The following STEAP3 variants were observed in gnomAD, a reference collection of about 807,000 sequenced individuals.
The protein encoded by STEAP3 is metalloreductase STEAP3.
In STEAP3, 35 loss-of-function variants were observed where a neutral mutation model predicts 34.9. The ratio of observed to expected loss-of-function variants is 1.00; its 90% CI spans 0.76 to 1.33. STEAP3 has a LOEUF of 1.33. STEAP3 is among the 40% of genes most tolerant of loss of function. STEAP3 has a pLI of 0.00. For missense variants in STEAP3, 652 were observed against 667.6 expected, an observed-to-expected ratio of 0.98 and a Z score of 0.26; for synonymous variants, 281 against 301.6, an observed-to-expected ratio of 0.93 and a Z score of 0.71.
At chr2:119,235,309 A>G (rs1370040834) in intron 2 of STEAP3, among the ~76,000 whole-genome samples, 1 of 152,222 alleles carries the variant, frequency 6.6e-6, no homozygotes, top group Non-Finnish European at 1.5e-5. Context: ...GTGACCCTCA[A>G]GATCTAGAGG....
At chr2:119,258,269 T>G (rs1231424778) in intron 5 of STEAP3, among the ~76,000 whole-genome samples, 2 of 152,010 alleles carry the variant, frequency 1.3e-5, no homozygotes, top group African/African-American at 2.4e-5. Context: ...CCATGTTGGT[T>G]TTGGTGCTTT....
Position 119,242,469 on chromosome 2 carries a change from C to A in STEAP3, c.23-3020C>A, listed in dbSNP as rs534169949. Among the ~76,000 whole-genome samples the A allele has an allele frequency of 9.8e-5, 15 of 152,342 alleles. No individual in the cohort carries two copies. The South Asian group carries it at 2.1e-3, about 21-fold the overall frequency. On this transcript the variant is annotated intron_variant, in intron 2 of 5. Transcript: ENST00000393110. ...AATTGCAGATGCTGGCCTGCGAGCC[C>A]TGAGGCCATCTGCAAGGCTCCTGGG...
intron 2 of STEAP3, among the ~76,000 whole-genome samples, chr2:119,244,160 C>T (rs1222446944): frequency 1.3e-5 from 2 of 152,024 alleles, no homozygotes; most frequent in African/African-American, 2.4e-5. Context: ...TTTATTAGCA[C>T]ATTAAATGAC....
chr2:119,231,999 C>G (rs1169709037), intron 2 of STEAP3, among the ~76,000 whole-genome samples: 1 of 152,104 alleles, frequency 6.6e-6, no homozygotes, highest in Non-Finnish European at 1.5e-5. Flanking sequence ...GACCCCAGGC[C>G]CAGTAAGAAT....
chr2:119,232,855 T>C (rs538420849), intron 2 of STEAP3, among the ~76,000 whole-genome samples: 1 of 152,126 alleles, frequency 6.6e-6, no homozygotes, highest in Non-Finnish European at 1.5e-5. Context: ...GCTAGTTGCA[T>C]CCTGTTACCT....
At chr2:119,240,775 A>G (rs962788432) in intron 2 of STEAP3, among the ~76,000 whole-genome samples, 8 of 152,232 alleles carry the variant, frequency 5.3e-5, no homozygotes, top group Non-Finnish European at 7.3e-5. Flanking sequence ...GCCTCGGCCC[A>G]CAGAGCTGCA....
intron 3 of STEAP3, 114 bp downstream of exon 3, chr2:119,246,102 T>C: frequency 7.3e-7 from 1 of 1,363,616 alleles, no homozygotes; most frequent in South Asian, 1.4e-5. Flanking sequence ...CCTGCATCAC[T>C]GCAAAATTCC....
At chr2:119,228,628 A>T (rs1336209442) in intron 1 of STEAP3, among the ~76,000 whole-genome samples, 1 of 152,070 alleles carries the variant, frequency 6.6e-6, no homozygotes, top group African/African-American at 2.4e-5. Context: ...AATCAGGGTG[A>T]TGGGTGGGTG....
intron 2 of STEAP3, among the ~76,000 whole-genome samples, chr2:119,237,734 A>G (rs1327926660): frequency 1.3e-5 from 2 of 152,320 alleles, no homozygotes; most frequent in Non-Finnish European, 2.9e-5. Context: ...TTTAGGTAAC[A>G]ACTTTTTAAA....
intron 2 of STEAP3, 95 bp downstream of exon 2, chr2:119,231,129 G>A: frequency 6.4e-7 from 1 of 1,553,224 alleles, no homozygotes; most frequent in Middle Eastern, 1.7e-4. Context: ...CCCTGCTGGA[G>A]GGTGCCCCTT....
At chr2:119,235,052 G>A (rs1263332707) in intron 2 of STEAP3, among the ~76,000 whole-genome samples, 5 of 152,268 alleles carry the variant, frequency 3.3e-5, no homozygotes, top group Admixed American at 6.5e-5. Flanking sequence ...CTGTCCTCTG[G>A]GAATATCCTC....
chr2:119,260,489 T>C (rs918140960), intron 5 of STEAP3, among the ~76,000 whole-genome samples: 2 of 151,808 alleles, frequency 1.3e-5, no homozygotes, highest in Non-Finnish European at 2.9e-5. Context: ...GGGGACGGGG[T>C]TTATCCATGT....
chr2:119,227,388 G>A (rs372471510), intron 1 of STEAP3, among the ~76,000 whole-genome samples: 32 of 152,192 alleles, frequency 2.1e-4, no homozygotes, highest in African/African-American at 7.2e-4. Flanking sequence ...CACTGAATGG[G>A]CCAGGCGTTC....
chr2:119,245,576 A>AG lies in STEAP3; in HGVS notation c.112dup (p.Ala38GlyfsTer9). The AG allele has an allele frequency of 7.5e-6, 12 of 1,606,080 alleles. No homozygotes were observed. The highest frequency in any genetic ancestry group is 1.0e-5 in the Non-Finnish European group (12 of 1,173,334). On this transcript the variant is annotated frameshift_variant, in exon 3 of 6. Coordinates refer to ENST00000393110, the MANE Select transcript of STEAP3 (RefSeq NM_182915.3). LOFTEE classifies it high-confidence loss of function. ...AGTAGCCTTGCCAAGGTCCCCGATG[A>AG]GGCCCCCAAAGTGGGCATCCTGGGT...
At chr2:119,251,952 A>G (rs1226532640) in intron 4 of STEAP3, among the ~76,000 whole-genome samples, 1 of 152,074 alleles carries the variant, frequency 6.6e-6, no homozygotes, top group Admixed American at 6.5e-5. Context: ...TTTTTCTTAC[A>G]CACTACTTCA....
rs770824026 is a variant in STEAP3 at position 119,245,996 on chromosome 2, C to T, written c.522+8C>T. The T allele has an allele frequency of 1.2e-6, 2 of 1,607,810 alleles. No homozygotes were observed. The highest frequency in any genetic ancestry group is 1.7e-5 in the Admixed American group (1 of 59,922). On this transcript the variant is annotated splice_region_variant and intron_variant, in intron 3 of 5. Coordinates refer to ENST00000393110, the MANE Select transcript of STEAP3 (RefSeq NM_182915.3). Reference sequence around the variant, plus strand: ...AGGGATGGTAACAGGCAGGTAGGTTCTGGGGGAATAATACCCATCGTAACA... The same window carrying T: ...AGGGATGGTAACAGGCAGGTAGGTTTTGGGGGAATAATACCCATCGTAACA...
chr2:119,258,360 C>G (rs968195432), intron 5 of STEAP3, among the ~76,000 whole-genome samples: 1 of 152,070 alleles, frequency 6.6e-6, no homozygotes, highest in African/African-American at 2.4e-5. Flanking sequence ...TATGTCATCC[C>G]GTGACTAGCA....
intron 4 of STEAP3, among the ~76,000 whole-genome samples, chr2:119,252,328 T>G (rs1677649588): frequency 6.6e-6 from 1 of 152,210 alleles, no homozygotes; most frequent in African/African-American, 2.4e-5. Flanking sequence ...AGAGTCAGCG[T>G]CAGAATCCAG....
chr2:119,259,205 C>T (rs570800588), intron 5 of STEAP3, among the ~76,000 whole-genome samples: 2 of 152,276 alleles, frequency 1.3e-5, no homozygotes, highest in East Asian at 1.9e-4. Context: ...CCCTTTGTGC[C>T]GTAGTAATTG....
Sources: allele counts gnomAD v4.1 joint callset (sites outside exome capture counted in the v4.1 genomes callset), GRCh38; gene constraint gnomAD v4.1.1; transcripts MANE v1.5; gene names NCBI Gene and HGNC (gene_info 2026-07-23, HGNC 2026-07-21).